Variants in SCNN1B observed in about 807,000 individuals in gnomAD.
SCNN1B encodes the protein epithelial sodium channel subunit beta.
Under a neutral mutation model 65.3 loss-of-function variants are expected in SCNN1B, and 46 were observed. The observed-to-expected ratio is 0.70, with a 90% CI of 0.56 to 0.90. SCNN1B has a LOEUF of 0.90. SCNN1B is among the 40% of genes least tolerant of loss of function. The probability of loss-of-function intolerance (pLI) is 0.00; values close to 1 mark genes in which losing one functional copy is unlikely to be tolerated. For missense variants in SCNN1B, 751 were observed against 830.5 expected, an observed-to-expected ratio of 0.90 and a Z score of 1.18; for synonymous variants, 349 against 330.6, an observed-to-expected ratio of 1.06 and a Z score of -0.60.
intron 2 of SCNN1B, among the ~76,000 whole-genome samples, chr16:23,350,861 C>T (rs763457289): frequency 2.0e-5 from 3 of 151,746 alleles, no homozygotes; most frequent in Non-Finnish European, 4.4e-5. Flanking sequence ...TGCAGTGAGC[C>T]GAGATCTCGC....
chr16:23,336,371 ATTTTT>A (rs745716509), intron 1 of SCNN1B, among the ~76,000 whole-genome samples: 1 of 134,522 alleles, frequency 7.4e-6, no homozygotes, highest in Non-Finnish European at 1.6e-5. Flanking sequence ...AAGCAAGACG[ATTTTT>A]TTTTTTTTTT....
chr16:23,326,385 T>A (rs1853262849), intron 1 of SCNN1B, among the ~76,000 whole-genome samples: 2 of 152,140 alleles, frequency 1.3e-5, no homozygotes, highest in Admixed American at 1.3e-4. Flanking sequence ...ATTATAAACG[T>A]TCTGGTTAAT....
Position 23,380,925 on chromosome 16 carries a change from G to T in SCNN1B, c.*124G>T. 2 of 1,090,608 alleles carry T rather than the reference G, an allele frequency of 1.8e-6. No individual in the cohort carries two copies. Among genetic ancestry groups the T allele is most frequent in the Non-Finnish European group, 1.4e-6 (1 of 714,790 alleles). 67.6% of individuals were successfully genotyped at this position (1,090,608 alleles called of 1,614,324 possible). On this transcript the variant is annotated 3_prime_UTR_variant, in exon 13 of 13. Coordinates refer to ENST00000343070, the MANE Select transcript of SCNN1B (RefSeq NM_000336.3). This position sits in a 1 kb window ranked among gnomAD's most constrained non-coding sequence, Gnocchi z 5.4. ...GGTAGCTCTCCAGGCCAGAGCTTGTGTCCTTCAACAGAGAGGCCAGCGGCA... is the reference window on the plus strand; with the variant it reads ...GGTAGCTCTCCAGGCCAGAGCTTGTTTCCTTCAACAGAGAGGCCAGCGGCA...
chr16:23,292,153 CTTTTA>C (rs1015988655), intron 2 of SCNN1B, among the ~76,000 whole-genome samples: 1 of 151,270 alleles, frequency 6.6e-6, no homozygotes, highest in Non-Finnish European at 1.5e-5. Context: ...TCAGCAATCC[CTTTTA>C]TTTAATTTTA....
At chr16:23,322,664 A>G (rs1366983229) in intron 1 of SCNN1B, among the ~76,000 whole-genome samples, 1 of 152,204 alleles carries the variant, frequency 6.6e-6, no homozygotes, top group Non-Finnish European at 1.5e-5. Flanking sequence ...TAAACAGATC[A>G]AACTAATTTT....
At chr16:23,337,197 A>T (rs1455382501) in intron 1 of SCNN1B, among the ~76,000 whole-genome samples, 1 of 151,950 alleles carries the variant, frequency 6.6e-6, no homozygotes, top group Non-Finnish European at 1.5e-5. Context: ...GACCACAGGC[A>T]CATGCCACCA....
At chr16:23,345,372 C>A (rs1486852390) in intron 1 of SCNN1B, among the ~76,000 whole-genome samples, 4 of 152,170 alleles carry the variant, frequency 2.6e-5, no homozygotes, top group African/African-American at 9.7e-5. Flanking sequence ...GGCAGGCATC[C>A]AATTTGGATA....
chr16:23,304,530 G>A (rs934139081), intron 1 of SCNN1B, among the ~76,000 whole-genome samples: 2 of 152,196 alleles, frequency 1.3e-5, no homozygotes, highest in East Asian at 1.9e-4. Flanking sequence ...GCCACCTCCA[G>A]GGGTTCTCTC....
chr16:23,355,513 C>T lies in SCNN1B; in HGVS notation c.776+24C>T, dbSNP rs371271648. 117 of 1,612,072 alleles carry T rather than the reference C, an allele frequency of 7.3e-5. No individual in the cohort carries two copies. In the African/African-American group the frequency reaches 1.2e-3, roughly 17 times the overall value. ...CGGTGAGAGCCACCCCAAGCCCACCCGGCCAGGCCCTGGCACCGAGAGACA... is the reference window on the plus strand; with the variant it reads ...CGGTGAGAGCCACCCCAAGCCCACCTGGCCAGGCCCTGGCACCGAGAGACA... On this transcript the variant is annotated intron_variant, in intron 4 of 12. Transcript: ENST00000343070.
intron 1 of SCNN1B, among the ~76,000 whole-genome samples, chr16:23,333,500 C>A: frequency 6.6e-6 from 1 of 152,220 alleles, no homozygotes; most frequent in East Asian, 1.9e-4. Flanking sequence ...TAATTCTACA[C>A]CTTCCATAAA....
At chr16:23,377,491 CTCCCTCCTTCCTTCCTTCTCTGTT>C in intron 10 of SCNN1B, 105 bp downstream of exon 10, 1 of 953,902 alleles carries the variant, frequency 1.0e-6, no homozygotes, top group East Asian at 2.5e-5. Flanking sequence ...GCCTTTTTCC[CTCCCTCCTTCCTTCCTTCTCTGTT>C]TCCCTCCTTC....
chr16:23,377,056 T>TA, intron 8 of SCNN1B, 109 bp from the exon 9 acceptor site: 1 of 978,132 alleles, frequency 1.0e-6, no homozygotes, highest in South Asian at 1.4e-5. Context: ...TCCTGCCACC[T>TA]AACCACAGGG....
At chr16:23,316,638 T>A (rs576698513) in intron 1 of SCNN1B, among the ~76,000 whole-genome samples, 56 of 147,168 alleles carry the variant, frequency 3.8e-4, no homozygotes, top group Non-Finnish European at 3.9e-4. Context: ...ACCCTCACCA[T>A]CTCCTCTGTC....
chr16:23,313,699 C>T (rs1961391793), intron 1 of SCNN1B, among the ~76,000 whole-genome samples: 1 of 152,230 alleles, frequency 6.6e-6, no homozygotes, highest in African/African-American at 2.4e-5. Flanking sequence ...GCAACCACTG[C>T]CTCTTGGGTT....
chr16:23,295,096 C>G (rs1567286513), intron 2 of SCNN1B, among the ~76,000 whole-genome samples: 1 of 152,192 alleles, frequency 6.6e-6, no homozygotes, highest in Admixed American at 6.5e-5. Flanking sequence ...CTTTATCTTG[C>G]TTGTGTTTTG....
intron 5 of SCNN1B, among the ~76,000 whole-genome samples, chr16:23,369,306 C>A (rs1962735177): frequency 6.6e-6 from 1 of 152,030 alleles, no homozygotes. Flanking sequence ...TTGGTCTTGA[C>A]CTCCTGGGCT....
At position 23,281,902 on chromosome 16, in the gene SCNN1B, T is replaced by C. The variant is rs184211123; in HGVS notation, n.111-1835T>C. Among the ~76,000 whole-genome samples the C allele has an allele frequency of 2.0e-5, 3 of 152,182 alleles. No homozygotes were observed. The East Asian group carries it at 5.8e-4, about 29-fold the overall frequency. On this transcript the variant is annotated intron_variant and non_coding_transcript_variant, in intron 1 of 3. Transcript: ENST00000569789. ...GGAAAACTGGGGATCATAATAGTAA[T>C]ACTTACTGGCCGGGTGCAGTGGCTC...
chr16:23,333,149 A>AGAAGGAAT (rs1961857542), intron 1 of SCNN1B, among the ~76,000 whole-genome samples: 5 of 89,528 alleles, frequency 5.6e-5, no homozygotes, highest in African/African-American at 1.9e-4. Flanking sequence ...AAGGAAGGAA[A>AGAAGGAAT]GAAGGAAGGA....
intron 1 of SCNN1B, among the ~76,000 whole-genome samples, chr16:23,307,892 A>G (rs1420181058): frequency 6.6e-6 from 1 of 151,962 alleles, no homozygotes; most frequent in Non-Finnish European, 1.5e-5. Context: ...AAAAAATTCA[A>G]AAATTAGCCG....
Sources: gnomAD v4.1 joint callset for allele counts (sites outside exome capture counted in the v4.1 genomes callset) on GRCh38, gnomAD v4.1.1 for gene constraint, Gnocchi (gnomAD v3.1) non-coding constraint, MANE v1.5 for transcripts, NCBI Gene and HGNC (gene_info 2026-07-23, HGNC 2026-07-21) for gene names.